The following SRCAP variants were observed in gnomAD, a reference collection of about 807,000 sequenced individuals.
SRCAP encodes Snf2 related CREBBP activator protein.
SRCAP carries 46 observed loss-of-function variants against 263.1 expected under a neutral mutation model. The observed-to-expected ratio is 0.17, with a 90% CI of 0.14 to 0.22. The LOEUF is 0.22. Among genes scored for constraint, SRCAP ranks in the 10% least tolerant of loss-of-function variants. The probability of loss-of-function intolerance (pLI) is 1.00; values close to 1 mark genes in which losing one functional copy is unlikely to be tolerated. For synonymous variants in SRCAP, 1,813 were observed against 1,662.1 expected (o/e 1.09, Z -2.21); for missense variants, 3,695 against 4,181.9 (o/e 0.88, Z 3.21).
chr16:30,724,983 G>A lies in SRCAP; in HGVS notation c.5559G>A (p.Leu1853=). 6.2e-7 allele frequency: 1 copy of A among 1,614,110 alleles called. No individual in the cohort carries two copies. The highest frequency in any genetic ancestry group is 8.5e-7 in the Non-Finnish European group (1 of 1,180,036). Residue 1853 remains leucine, a synonymous_variant, in exon 25 of 34, where the codon TTG becomes TTA. Coordinates refer to ENST00000262518, the MANE Select transcript of SRCAP (RefSeq NM_006662.3). The stretch of plus-strand genomic sequence containing the variant: ...AGGATGAGCCTGACACACTGACATT[G>A]CGCTCTGGTCCCCCCAGCCCTCCCT... The part of the protein sequence containing the change: ...VSKDEPDTLT[L]RSGPPSPPST...
chr16:30,707,809 T>C, intron 6 of SRCAP, 97 bp downstream of exon 6: 1 of 1,461,366 alleles, frequency 6.8e-7, no homozygotes, highest in Admixed American at 2.0e-5. Flanking sequence ...GGAGTAAATA[T>C]AATTTCAGGC....
In SRCAP at chr16:30,738,184, C is replaced by T. The variant is rs1199702693; in HGVS notation, c.8144C>T (p.Ser2715Leu). Residue 2715 changes from serine to leucine, a missense_variant, in exon 34 of 34, where the codon TCA becomes TTA. Coordinates refer to ENST00000262518, the MANE Select transcript of SRCAP (RefSeq NM_006662.3). ...GCCACTTCCTCGCCTGAGGGTCCTT[C>T]ACCTGCCCGACCTCCTCGGCGTCGC... ...SSATSSPEGPSPARPPRRRTS... is the reference protein window; with the variant it reads ...SSATSSPEGPLPARPPRRRTS... 2.9e-5 allele frequency: 47 copies of T among 1,614,086 alleles called. No individual in the cohort carries two copies. Among genetic ancestry groups the T allele is most frequent in the Non-Finnish European group, 3.9e-5 (46 of 1,180,052 alleles).
intron 18 of SRCAP, among the ~76,000 whole-genome samples, chr16:30,717,601 C>T (rs944443642): frequency 7.1e-6 from 1 of 141,390 alleles, no homozygotes; most frequent in Non-Finnish European, 1.5e-5. Flanking sequence ...TATGCGCTAC[C>T]AAGCCTGGCT....
At position 30,723,655 on chromosome 16, in the gene SRCAP, G is replaced by A; in HGVS notation, c.4231G>A (p.Ala1411Thr). 6.2e-7 allele frequency: 1 copy of A among 1,613,710 alleles called. No individual in the cohort carries two copies. Among genetic ancestry groups the A allele is most frequent in the Non-Finnish European group, 8.5e-7 (1 of 1,179,764 alleles). The change falls in exon 25 of 34, where the codon GCC becomes ACC. Residue 1411 changes from alanine (A) to threonine (T), a missense_variant. By Grantham distance (58) the Ala-to-Thr change is moderately conservative. This residue lies in a region of SRCAP where 1,347 missense variants were observed against 1,304.4 expected (regional missense o/e 1.03). Transcript: ENST00000262518. ...CGTGCCATCCTCCCTCCCTGGGCCA[G>A]CCTCTTCTCCAATGCCAATTCCCAA... ...LHVPSSLPGP[A>T]SSPMPIPNSS...
chr16:30,717,401 CT>C (rs1448377358), intron 18 of SRCAP, among the ~76,000 whole-genome samples: 1 of 151,492 alleles, frequency 6.6e-6, no homozygotes, highest in African/African-American at 2.4e-5. Context: ...CATAAGTTGC[CT>C]TTTCGCTATG....
rs1188930857 is a variant in SRCAP, at chr16:30,739,085, A to G, written c.9045A>G (p.Pro3015=). The change falls in exon 34 of 34, where the codon CCA becomes CCG. Residue 3015 remains proline, a synonymous_variant. Transcript: ENST00000262518. The part of the protein sequence containing the change: ...RKRGRPPKNP[P]SPRPSQLPVL... ...GGGGCCGACCTCCCAAGAATCCTCC[A>G]TCACCTCGGCCCAGCCAGCTCCCCG... is the stretch of plus-strand genomic sequence containing the variant. 4 of 1,613,980 alleles carry G rather than the reference A, an allele frequency of 2.5e-6. No individual in the cohort carries two copies. Among genetic ancestry groups the G allele is most frequent in the Non-Finnish European group, 3.4e-6 (4 of 1,180,022 alleles).
rs62057183 is a variant in SRCAP at position 30,733,505 on chromosome 16, C to T, written c.6297+56C>T. The T allele has an allele frequency of 0.13, 203,522 of 1,608,506 alleles. 14,613 individuals are homozygous for T. Among genetic ancestry groups the T allele is most frequent in the Non-Finnish European group, 0.15 (172,198 of 1,176,124 alleles). ...TCACCTCCGCTTCTCTCTCCTTTTC[C>T]CAGGATTTGGGCTTCCAGACGGGGT... On this transcript the variant is annotated intron_variant, in intron 28 of 33. Coordinates refer to ENST00000262518, the MANE Select transcript of SRCAP (RefSeq NM_006662.3). The surrounding 1 kb of genome is among the most constrained non-coding windows in gnomAD (Gnocchi z 5.3).
intron 23 of SRCAP, 79 bp downstream of exon 23, chr16:30,722,827 C>G (rs1250383719): frequency 1.3e-6 from 2 of 1,551,388 alleles, no homozygotes; most frequent in East Asian, 2.3e-5. Context: ...GTCTGTCCAG[C>G]CTTCCCTCAG....
intron 25 of SRCAP, chr16:30,725,320 C>T (rs2053053987): frequency 1.4e-6 from 1 of 736,566 alleles, no homozygotes; most frequent in Non-Finnish European, 2.0e-6. Flanking sequence ...CACGCCCGGC[C>T]TCTTTTCCCG....
rs774988634 is a variant in SRCAP, at chr16:30,736,557, G to A, written c.6941G>A (p.Arg2314His). ...ALVEQLTPIE[R>H]YAMKFLEASL... ...TCCTTGCAGCTGACCCCCATTGAGC[G>A]CTATGCCATGAAATTCCTGGAGGCC... The change falls in exon 33 of 34, where the codon CGC (arginine) becomes CAC (histidine). Residue 2314 changes from arginine to histidine, a missense_variant. Coordinates refer to ENST00000262518, the MANE Select transcript of SRCAP (RefSeq NM_006662.3). 28 of 1,614,058 alleles carry A rather than the reference G, an allele frequency of 1.7e-5. No homozygotes were observed. The highest frequency in any genetic ancestry group is 2.7e-5 in the African/African-American group (2 of 74,918).
At position 30,739,253 on chromosome 16, in the gene SRCAP, T is replaced by C. The variant is rs2053196866; in HGVS notation, c.9213T>C (p.Leu3071=). ...RPLTRLARLR[L]EAEGMRGRKS... ...TCACCCGCCTGGCCCGCCTTCGGCTTGAAGCAGAAGGAATGCGAGGACGGA... is the reference window on the plus strand; with the variant it reads ...TCACCCGCCTGGCCCGCCTTCGGCTCGAAGCAGAAGGAATGCGAGGACGGA... Residue 3071 remains leucine, a synonymous_variant, in exon 34 of 34, where the codon CTT becomes CTC. Transcript: ENST00000262518. 1 of 1,613,750 alleles carries C rather than the reference T, an allele frequency of 6.2e-7. No homozygotes were observed. Among genetic ancestry groups the C allele is most frequent in the African/African-American group, 1.3e-5 (1 of 74,928 alleles).
At chr16:30,699,796 T>G (rs900147809) in intron 1 of SRCAP, 112 bp from the exon 2 acceptor site, 1 of 152,206 alleles carries the variant, frequency 6.6e-6, no homozygotes, top group African/African-American at 2.4e-5. Flanking sequence ...CCCTGAAATG[T>G]GAGATTTTCC....
intron 25 of SRCAP, chr16:30,725,308 A>C: frequency 1.2e-6 from 1 of 848,498 alleles, no homozygotes; most frequent in East Asian, 3.3e-5. Context: ...GGGGTGAGCC[A>C]CCACGCCCGG....
chr16:30,727,703 C>T (rs900946991), intron 25 of SRCAP, among the ~76,000 whole-genome samples: 4 of 152,210 alleles, frequency 2.6e-5, no homozygotes, highest in Non-Finnish European at 5.9e-5. Context: ...AGGCTTGCAC[C>T]ACCACGCCCA....
chr16:30,712,482 T>G lies in SRCAP; in HGVS notation c.1993+43T>G, dbSNP rs200161643. ...CTTCTTTTGTTCCCCCTAGTCTAGC[T>G]CCCTGGGAGCTTGTTCAGTGATGAC... On this transcript the variant is annotated intron_variant, in intron 13 of 33. Coordinates refer to ENST00000262518, the MANE Select transcript of SRCAP (RefSeq NM_006662.3). The G allele has an allele frequency of 2.2e-3, 3,416 of 1,536,378 alleles. 10 individuals are homozygous for G. The highest frequency in any genetic ancestry group is 2.7e-3 in the Non-Finnish European group (3,052 of 1,146,018).
At position 30,739,544 on chromosome 16, in the gene SRCAP, A is replaced by G; in HGVS notation, c.9504A>G (p.Ser3168=). ...CAAGTCCCCTGGGGCCTGAGGGTTC[A>G]GTAGAGGAGTCTGAGGCTGAAGCCT... is the stretch of plus-strand genomic sequence containing the variant. ...QPPSPLGPEG[S]VEESEAEASG... is the part of the protein sequence containing the mutation. Residue 3168 remains serine (S), a synonymous_variant, in exon 34 of 34, where the codon TCA becomes TCG. Transcript: ENST00000262518. 2 of 1,610,672 alleles carry G rather than the reference A, an allele frequency of 1.2e-6. No homozygotes were observed. The highest frequency in any genetic ancestry group is 1.7e-6 in the Non-Finnish European group (2 of 1,178,586).
chr16:30,729,595 G>A (rs2053094361), intron 27 of SRCAP, 23 bp downstream of exon 27: 5 of 1,611,992 alleles, frequency 3.1e-6, no homozygotes, highest in Admixed American at 1.7e-5. Flanking sequence ...GCCAGTGTAG[G>A]ACCCTTGACT....
Position 30,722,205 on chromosome 16 carries a change from T to C in SRCAP, c.3625T>C (p.Phe1209Leu). Residue 1209 changes from phenylalanine (F) to leucine (L), a missense_variant, in exon 22 of 34, where the codon TTC becomes CTC. Transcript: ENST00000262518. The part of the protein sequence containing the change: ...ANAGGSKPLT[F>L]QIQGNKLTLT... Reference sequence around the variant, plus strand: ...TGCAGGGGGAAGCAAACCTCTCACCTTCCAAATCCAGGGCAACAAGCTGAC... The same window carrying C: ...TGCAGGGGGAAGCAAACCTCTCACCCTCCAAATCCAGGGCAACAAGCTGAC... 6.2e-7 allele frequency: 1 copy of C among 1,614,194 alleles called. No individual in the cohort carries two copies. The highest frequency in any genetic ancestry group is 1.3e-5 in the African/African-American group (1 of 75,036).
At chr16:30,731,990 C>G (rs1429878289) in intron 27 of SRCAP, among the ~76,000 whole-genome samples, 1 of 151,438 alleles carries the variant, frequency 6.6e-6, no homozygotes, top group East Asian at 2.0e-4. Context: ...ACAAAAAATA[C>G]AAAAATTAGC....
Sources: allele counts gnomAD v4.1 joint callset (sites outside exome capture counted in the v4.1 genomes callset), GRCh38; gene constraint gnomAD v4.1.1; regional missense constraint gnomAD v4.1.1; non-coding constraint Gnocchi (gnomAD v3.1); transcripts MANE v1.5; gene names NCBI Gene and HGNC (gene_info 2026-07-23, HGNC 2026-07-21).